The following LSAMP variants were observed in gnomAD, a reference collection of about 807,000 sequenced individuals.
LSAMP encodes the protein limbic system associated membrane protein.
LSAMP carries 7 observed loss-of-function variants against 38.6 expected under a neutral mutation model. That is an observed-to-expected ratio of 0.18 (90% CI 0.10 to 0.34). The LOEUF (loss-of-function observed/expected upper bound fraction) is 0.34. Among genes scored for constraint, LSAMP ranks in the 10% least tolerant of loss-of-function variants. LSAMP has a pLI of 1.00. For synonymous variants in LSAMP, 154 were observed against 166.8 expected, an observed-to-expected ratio of 0.92 and a Z score of 0.59; for missense variants, 313 against 420.0, an observed-to-expected ratio of 0.75 and a Z score of 2.23.
At chr3:116,169,779 T>C (rs34424845) in intron 1 of LSAMP, among the ~76,000 whole-genome samples, 29,840 of 152,178 alleles carry the variant, frequency 0.2, 2,956 homozygotes, top group Admixed American at 0.24. Context: ...TGGGAGTATT[T>C]CTTAAATCTA....
At chr3:116,298,469 T>C (rs2047365879) in intron 1 of LSAMP, among the ~76,000 whole-genome samples, 1 of 151,964 alleles carries the variant, frequency 6.6e-6, no homozygotes, top group Non-Finnish European at 1.5e-5. Context: ...CTCTGATTTC[T>C]GGAGTTTGCT....
rs1322249717 is a variant in LSAMP at position 116,127,516 on chromosome 3, A to G, written c.156-40960T>C. ...ATTTTCAAAATAATACTATCAAAGTACATTTGCAAGTTTTAAATCATTTTC... is the reference window on the plus strand; with the variant it reads ...ATTTTCAAAATAATACTATCAAAGTGCATTTGCAAGTTTTAAATCATTTTC... On this transcript the variant is annotated intron_variant, in intron 1 of 6. Transcript: ENST00000490035. 5.3e-5 allele frequency among the ~76,000 whole-genome samples: 8 copies of G among 152,320 alleles called. No individual in the cohort carries two copies. In the East Asian group the frequency reaches 1.5e-3, roughly 29 times the overall value.
At chr3:116,109,333 A>C (rs1708544258) in intron 1 of LSAMP, among the ~76,000 whole-genome samples, 1 of 151,990 alleles carries the variant, frequency 6.6e-6, no homozygotes, top group African/African-American at 2.4e-5. Context: ...GCAGAGGCTG[A>C]GGAAGAATTG....
In LSAMP at chr3:116,018,118, C is replaced by T. The variant is rs184164123; in HGVS notation, c.514+1397G>A. ...ATGCGAGTCAATGAGTTTAAGATTGCTCTCCCAAATAAGTGTCTCATGTAT... is the reference window on the plus strand; with the variant it reads ...ATGCGAGTCAATGAGTTTAAGATTGTTCTCCCAAATAAGTGTCTCATGTAT... On this transcript the variant is annotated intron_variant, in intron 3 of 6. Transcript: ENST00000490035. Among the ~76,000 whole-genome samples, 580 of 152,198 alleles carry T rather than the reference C, an allele frequency of 3.8e-3. 3 individuals carry two copies. Among genetic ancestry groups the T allele is most frequent in the African/African-American group, 0.013 (547 of 41,534 alleles).
intron 1 of LSAMP, among the ~76,000 whole-genome samples, chr3:116,438,457 C>G (rs2049386354): frequency 6.6e-6 from 1 of 152,092 alleles, no homozygotes; most frequent in Admixed American, 6.6e-5. Flanking sequence ...ACTTGTTGAC[C>G]ATTTTGAACT....
chr3:116,170,939 C>A (rs995404792), intron 1 of LSAMP, among the ~76,000 whole-genome samples: 1 of 151,800 alleles, frequency 6.6e-6, no homozygotes, highest in Non-Finnish European at 1.5e-5. Flanking sequence ...GCAAGAAAAC[C>A]GAGAAATTTT....
At position 116,198,635 on chromosome 3, in the gene LSAMP, G is replaced by T. The variant is rs541701031; in HGVS notation, c.156-112079C>A. Reference sequence around the variant, plus strand: ...AAATACAAAAAATTAGCCGGGCTTCGTAGCGGGCAGCTGTAGTCCCTGCTA... The same window carrying T: ...AAATACAAAAAATTAGCCGGGCTTCTTAGCGGGCAGCTGTAGTCCCTGCTA... On this transcript the variant is annotated intron_variant, in intron 1 of 6. Transcript: ENST00000490035. Among the ~76,000 whole-genome samples the T allele has an allele frequency of 2.5e-3, 373 of 152,168 alleles. 2 individuals are homozygous for T. The highest frequency in any genetic ancestry group is 4.4e-3 in the Non-Finnish European group (299 of 68,008).
At chr3:115,956,810 G>A (rs1385753008) in intron 3 of LSAMP, among the ~76,000 whole-genome samples, 1 of 152,096 alleles carries the variant, frequency 6.6e-6, no homozygotes, top group Admixed American at 6.5e-5. Flanking sequence ...AGGATTTATT[G>A]TATATAACCT....
chr3:115,841,801 T>C, intron 6 of LSAMP, 44 bp downstream of exon 6: 1 of 1,547,968 alleles, frequency 6.5e-7, no homozygotes, highest in South Asian at 1.2e-5. Context: ...ATGTGAAAAG[T>C]CAATTTAATT....
intron 1 of LSAMP, among the ~76,000 whole-genome samples, chr3:116,433,228 A>AT (rs1177207383): frequency 6.6e-6 from 1 of 152,102 alleles, no homozygotes; most frequent in Non-Finnish European, 1.5e-5. Flanking sequence ...GCATCACTTT[A>AT]TTTTTTTAAT....
At chr3:115,929,392 C>G (rs962658127) in intron 3 of LSAMP, among the ~76,000 whole-genome samples, 2 of 151,968 alleles carry the variant, frequency 1.3e-5, no homozygotes, top group African/African-American at 4.8e-5. Flanking sequence ...TGTGACACTA[C>G]TTTGATCCTC....
chr3:115,821,881 A>G (rs1243338651), intron 6 of LSAMP, among the ~76,000 whole-genome samples: 1 of 152,162 alleles, frequency 6.6e-6, no homozygotes, highest in African/African-American at 2.4e-5. Context: ...CTGCCATGGA[A>G]ATTTATGGGT....
chr3:116,438,157 T>C (rs759565350), intron 1 of LSAMP, among the ~76,000 whole-genome samples: 40 of 150,988 alleles, frequency 2.6e-4, no homozygotes, highest in Non-Finnish European at 4.6e-4. Flanking sequence ...TGAAATGACA[T>C]AATAAAAACA....
intron 5 of LSAMP, 84 bp downstream of exon 5, chr3:115,842,374 C>CTTGGTT (rs1935025140): frequency 2.0e-6 from 3 of 1,514,244 alleles, no homozygotes; most frequent in African/African-American, 1.4e-5. Flanking sequence ...TTACAACTGG[C>CTTGGTT]TTGGCTTTGG....
intron 1 of LSAMP, among the ~76,000 whole-genome samples, chr3:116,397,539 G>T (rs2048785256): frequency 6.6e-6 from 1 of 152,030 alleles, no homozygotes; most frequent in Non-Finnish European, 1.5e-5. Flanking sequence ...TACAATGCAA[G>T]CTTCGTGAGG....
intron 6 of LSAMP, among the ~76,000 whole-genome samples, chr3:115,824,057 T>C (rs1370121714): frequency 6.6e-6 from 1 of 152,236 alleles, no homozygotes; most frequent in Non-Finnish European, 1.5e-5. Flanking sequence ...CAAGTCAGCT[T>C]TCTTACATTT....
At chr3:116,037,850 T>C (rs1941081548) in intron 2 of LSAMP, among the ~76,000 whole-genome samples, 1 of 152,068 alleles carries the variant, frequency 6.6e-6, no homozygotes. Flanking sequence ...TATGACAAGA[T>C]TGTACTCAAC....
intron 1 of LSAMP, among the ~76,000 whole-genome samples, chr3:116,430,891 A>G (rs1359328935): frequency 1.3e-5 from 2 of 152,068 alleles, no homozygotes; most frequent in African/African-American, 2.4e-5. Flanking sequence ...TCCTATTTAA[A>G]TTATAAACTA....
intron 1 of LSAMP, among the ~76,000 whole-genome samples, chr3:116,215,510 T>C (rs1334087228): frequency 1.3e-5 from 2 of 152,160 alleles, no homozygotes; most frequent in Non-Finnish European, 2.9e-5. Flanking sequence ...AGGCCGCTTA[T>C]TGAAAATGCA....
Sources: allele counts gnomAD v4.1 joint callset (sites outside exome capture counted in the v4.1 genomes callset), GRCh38; gene constraint gnomAD v4.1.1; transcripts MANE v1.5; gene names NCBI Gene and HGNC (gene_info 2026-07-23, HGNC 2026-07-21).